SP2: variants seen among roughly 807,000 people sequenced by gnomAD.
SP2 encodes the protein Sp2 transcription factor, also known as transcription factor Sp2.
A neutral mutation model predicts 50.1 loss-of-function variants in SP2; 9 were observed. The observed-to-expected ratio is 0.18, with a 90% CI of 0.11 to 0.31. The LOEUF is 0.31. Among genes scored for constraint, SP2 ranks in the 10% least tolerant of loss-of-function variants. The pLI, the probability that SP2 is intolerant of heterozygous loss-of-function variation, is 1.00. For missense variants in SP2, 581 were observed against 806.5 expected, an observed-to-expected ratio of 0.72 and a Z score of 3.39; for synonymous variants, 313 against 326.6, an observed-to-expected ratio of 0.96 and a Z score of 0.45.
Position 47,928,164 on chromosome 17 carries a change from A to C in SP2, c.*340A>C, listed in dbSNP as rs2144110179. On this transcript the variant is annotated 3_prime_UTR_variant, in exon 7 of 7. Transcript: ENST00000376741. ...CCGTCGAGGAGCAAAGTGAGCCCCTACCCCCCACCCCGATCCCCGCTCCCA... is the reference window on the plus strand; with the variant it reads ...CCGTCGAGGAGCAAAGTGAGCCCCTCCCCCCCACCCCGATCCCCGCTCCCA... 2 of 199,040 alleles carry C rather than the reference A, an allele frequency of 1.0e-5. No individual in the cohort carries two copies. Among genetic ancestry groups the C allele is most frequent in the Non-Finnish European group, 2.1e-5 (2 of 94,460 alleles). The allele number at this position is 199,040 out of a possible 1,614,324, so 12.3% of individuals were successfully genotyped here.
At chr17:47,922,374 TC>T (rs2035492792) in intron 3 of SP2, among the ~76,000 whole-genome samples, 1 of 152,194 alleles carries the variant, frequency 6.6e-6, no homozygotes, top group Admixed American at 6.5e-5. Flanking sequence ...ACATCATACT[TC>T]CACTCCTAAT....
intron 6 of SP2, among the ~76,000 whole-genome samples, chr17:47,926,212 G>A (rs746104299): frequency 2.0e-5 from 3 of 151,772 alleles, no homozygotes; most frequent in Admixed American, 6.6e-5. Context: ...CCACTGCGCC[G>A]GCCTGTTGAT....
At chr17:47,906,423 ACATGGCC>A (rs1383949382) in intron 1 of SP2, among the ~76,000 whole-genome samples, 1 of 152,198 alleles carries the variant, frequency 6.6e-6, no homozygotes, top group East Asian at 1.9e-4. Flanking sequence ...GTGTAAACAG[ACATGGCC>A]CACCCTGGGG....
chr17:47,909,288 G>T (rs1336365093), intron 1 of SP2, among the ~76,000 whole-genome samples: 1 of 152,086 alleles, frequency 6.6e-6, no homozygotes, highest in Admixed American at 6.6e-5. Context: ...AGCCTTTTTG[G>T]CAGCCATATC....
chr17:47,901,133 C>T (rs1311209470), intron 1 of SP2, among the ~76,000 whole-genome samples: 1 of 150,728 alleles, frequency 6.6e-6, no homozygotes, highest in Non-Finnish European at 1.5e-5. Flanking sequence ...TATTCAAATT[C>T]AAGTGCCTTC....
chr17:47,923,238 G>T lies in SP2; in HGVS notation c.1336G>T (p.Val446Phe). ...GACCATCAACATCAATGGTGTCCAGGTCCAGGGCGTGCCTGTCACCATCAC... is the reference window on the plus strand; with the variant it reads ...GACCATCAACATCAATGGTGTCCAGTTCCAGGGCGTGCCTGTCACCATCAC... ...MQTININGVQ[V>F]QGVPVTITNT... Residue 446 changes from valine (V) to phenylalanine (F), a missense_variant, in exon 4 of 7, where the codon GTC becomes TTC. Around this residue, in one of 2 missense-constraint regions of SP2, gnomAD observed 184 missense variants for 315.5 expected, o/e 0.58. Transcript: ENST00000376741. 1 of 1,608,514 alleles carries T rather than the reference G, an allele frequency of 6.2e-7. No homozygotes were observed. Among genetic ancestry groups the T allele is most frequent in the Non-Finnish European group, 8.5e-7 (1 of 1,179,850 alleles).
rs576214839 is a variant in SP2 at position 47,919,608 on chromosome 17, C to T, written c.1059+2478C>T. Among the ~76,000 whole-genome samples, 27 of 151,900 alleles carry T rather than the reference C, an allele frequency of 1.8e-4. No homozygotes were observed. The East Asian group carries it at 3.7e-3, about 21-fold the overall frequency. ...CATGATCCCCCTTGTCATTTCTGAA[C>T]GCTTTAATTCCTACACACAAGAACA... On this transcript the variant is annotated intron_variant, in intron 3 of 6. Coordinates refer to ENST00000376741, the MANE Select transcript of SP2 (RefSeq NM_003110.6).
In SP2 at chr17:47,928,737, T is replaced by C. The variant is rs994660715; in HGVS notation, c.*913T>C. ...ACAGTGTATATTGTATAATAGACAATTGTGTCTACTACATGTTTAAAAACA... is the reference window on the plus strand; with the variant it reads ...ACAGTGTATATTGTATAATAGACAACTGTGTCTACTACATGTTTAAAAACA... On this transcript the variant is annotated 3_prime_UTR_variant, in exon 7 of 7. Transcript: ENST00000376741. The C allele has an allele frequency of 6.5e-6, 1 of 152,684 alleles. No homozygotes were observed. The highest frequency in any genetic ancestry group is 1.5e-5 in the Non-Finnish European group (1 of 68,048). The allele number at this position is 152,684 out of a possible 1,614,324, so 9.5% of individuals were successfully genotyped here.
chr17:47,914,385 A>G (rs983497892), intron 1 of SP2, among the ~76,000 whole-genome samples: 1 of 152,050 alleles, frequency 6.6e-6, no homozygotes, highest in Non-Finnish European at 1.5e-5. Context: ...AAAAAAAAAA[A>G]AGAATTGACC....
Position 47,916,219 on chromosome 17 carries a change from G to A in SP2, c.148G>A (p.Val50Ile), listed in dbSNP as rs955131165. ...ATGTAGCAAAATTGGCCCTCCAGCA[G>A]TTGAAGCTGCTGTGACACCTCCTGC... is the stretch of plus-strand genomic sequence containing the variant. ...ATCSKIGPPA[V>I]EAAVTPPAPP... The change falls in exon 3 of 7, where the codon GTT (valine) becomes ATT (isoleucine). Residue 50 changes from valine to isoleucine, a missense_variant. Val to Ile is a conservative substitution (Grantham distance 29). Coordinates refer to ENST00000376741, the MANE Select transcript of SP2 (RefSeq NM_003110.6). The surrounding 1 kb of genome is among the most constrained non-coding windows in gnomAD (Gnocchi z 4.7). 1.2e-6 allele frequency: 2 copies of A among 1,614,058 alleles called. No homozygotes were observed. The highest frequency in any genetic ancestry group is 1.7e-6 in the Non-Finnish European group (2 of 1,179,976).
At chr17:47,904,946 A>AT (rs946659949) in intron 1 of SP2, among the ~76,000 whole-genome samples, 2 of 151,994 alleles carry the variant, frequency 1.3e-5, no homozygotes, top group Non-Finnish European at 2.9e-5. Context: ...GTTTGTAAAC[A>AT]TTTTTTGTAG....
At chr17:47,923,961 A>G (rs1467816798) in intron 4 of SP2, among the ~76,000 whole-genome samples, 2 of 151,746 alleles carry the variant, frequency 1.3e-5, no homozygotes, top group African/African-American at 4.8e-5. Flanking sequence ...CAGCCTCCCA[A>G]AATGCTGGGA....
At position 47,899,388 on chromosome 17, in the gene SP2, C is replaced by T. The variant is rs534791245; in HGVS notation, c.7+3095C>T. ...TTAAAATAATAGAGGCATAGTCTCT[C>T]TATGTCAGGCTGGTCTCAAAACTCC... On this transcript the variant is annotated intron_variant, in intron 1 of 6. Coordinates refer to ENST00000376741, the MANE Select transcript of SP2 (RefSeq NM_003110.6). 2.0e-5 allele frequency: 3 copies of T among 152,252 alleles called. No homozygotes were observed. In the East Asian group the frequency reaches 5.8e-4, roughly 29 times the overall value. 9.4% of individuals were successfully genotyped at this position (152,252 alleles called of 1,614,324 possible).
intron 4 of SP2, 60 bp from the exon 5 acceptor site, chr17:47,924,859 G>A: frequency 5.5e-6 from 8 of 1,457,994 alleles, no homozygotes; most frequent in African/African-American, 1.4e-5. Context: ...AAGGGCAGAA[G>A]GGTTGACTCG....
At chr17:47,920,218 C>G (rs890097840) in intron 3 of SP2, among the ~76,000 whole-genome samples, 13 of 151,998 alleles carry the variant, frequency 8.6e-5, no homozygotes, top group Non-Finnish European at 1.8e-4. Context: ...CGGGTTCAAG[C>G]GATTCTCCTG....
chr17:47,897,212 A>C (rs1347420048), intron 1 of SP2: 2 of 152,230 alleles, frequency 1.3e-5, no homozygotes, highest in Non-Finnish European at 2.9e-5. Context: ...CATGCTTCTT[A>C]TGTTTCCTTG....
intron 1 of SP2, chr17:47,898,720 A>G (rs752423100): frequency 2.0e-5 from 3 of 152,254 alleles, no homozygotes; most frequent in Non-Finnish European, 2.9e-5. Flanking sequence ...AGATGCAGAG[A>G]AACACTGCTT....
intron 4 of SP2, among the ~76,000 whole-genome samples, chr17:47,924,302 A>G (rs2035568302): frequency 6.9e-6 from 1 of 144,642 alleles, no homozygotes; most frequent in Non-Finnish European, 1.5e-5. Context: ...TGCCCGGCCA[A>G]TTTTTTAGTT....
chr17:47,923,837 G>T (rs2035552911), intron 4 of SP2, among the ~76,000 whole-genome samples: 1 of 152,038 alleles, frequency 6.6e-6, no homozygotes, highest in African/African-American at 2.4e-5. Flanking sequence ...GAGTAGCTGG[G>T]ATTATAGACG....
Sources: gnomAD v4.1 joint callset for allele counts (sites outside exome capture counted in the v4.1 genomes callset) on GRCh38, gnomAD v4.1.1 for gene constraint, gnomAD v4.1.1 regional missense constraint, Gnocchi (gnomAD v3.1) non-coding constraint, MANE v1.5 for transcripts, NCBI Gene and HGNC (gene_info 2026-07-23, HGNC 2026-07-21) for gene names.